Variants in ENTPD5 observed in about 807,000 individuals in gnomAD.
ENTPD5 encodes the protein ectonucleoside triphosphate diphosphohydrolase 5 (inactive).
ENTPD5 carries 49 observed loss-of-function variants against 60.2 expected under a neutral mutation model. The ratio of observed to expected loss-of-function variants is 0.81; its 90% CI spans 0.65 to 1.03. The LOEUF (loss-of-function observed/expected upper bound fraction) is 1.03, where lower values mean the gene tolerates loss of function less well. Ranked by LOEUF, ENTPD5 falls within the 50% of genes least tolerant of loss-of-function variation. ENTPD5 has a pLI of 0.00. For missense variants in ENTPD5, 480 were observed against 507.6 expected (o/e 0.95, Z 0.52); for synonymous variants, 187 against 185.4 (o/e 1.01, Z -0.07).
At chr14:74,006,168 AG>A (rs1171172534) in intron 3 of ENTPD5, among the ~76,000 whole-genome samples, 1 of 151,452 alleles carries the variant, frequency 6.6e-6, no homozygotes, top group Admixed American at 6.6e-5. Context: ...TTGTATTTTT[AG>A]TAGAGACAAA....
At chr14:73,961,969 C>A, downstream of ENTPD5, 1 of 1,578,444 alleles carries the variant, frequency 6.3e-7, no homozygotes, top group Non-Finnish European at 8.7e-7. Flanking sequence ...TTTTTTGAAA[C>A]AGAGTCTTGG....
At chr14:73,958,530 G>A, downstream of ENTPD5, 2 of 1,329,352 alleles carry the variant, frequency 1.5e-6, no homozygotes, top group African/African-American at 1.5e-5. Flanking sequence ...GCACCAGAGT[G>A]TTGGGAATGG....
intron 3 of ENTPD5, among the ~76,000 whole-genome samples, chr14:73,992,043 T>C (rs945151725): frequency 4.0e-5 from 6 of 151,470 alleles, no homozygotes; most frequent in Admixed American, 1.3e-4. Context: ...TTCATATATA[T>C]GTATGTATAT....
At chr14:73,957,252 C>T (rs982059940), downstream of ENTPD5, among the ~76,000 whole-genome samples, 8 of 152,014 alleles carry the variant, frequency 5.3e-5, no homozygotes, top group East Asian at 3.9e-4. Flanking sequence ...CGCCTGCCAC[C>T]GTGCCCAGCT....
chr14:73,989,766 G>A (rs2058057736), intron 3 of ENTPD5, among the ~76,000 whole-genome samples: 1 of 149,696 alleles, frequency 6.7e-6, no homozygotes, highest in South Asian at 2.1e-4. Context: ...CCGGGAGGCA[G>A]AGGTTGTAGC....
chr14:73,967,771 G>C (rs1272934788), intron 15 of ENTPD5, among the ~76,000 whole-genome samples: 6 of 135,272 alleles, frequency 4.4e-5, no homozygotes, highest in African/African-American at 1.7e-4. Context: ...CTGCACTCCA[G>C]CATGGGTGAC....
downstream of ENTPD5, chr14:73,960,314 G>C (rs138689044): frequency 4.4e-5 from 43 of 986,126 alleles, no homozygotes; most frequent in Non-Finnish European, 5.1e-5. Flanking sequence ...AAAATCCATG[G>C]AACATCTTTA....
chr14:73,973,759 G>T, intron 12 of ENTPD5, 118 bp downstream of exon 12: 2 of 808,194 alleles, frequency 2.5e-6, no homozygotes, highest in Non-Finnish European at 4.1e-6. Flanking sequence ...CAAGATCTTT[G>T]GAATAAGTCC....
At chr14:73,962,018 A>T, downstream of ENTPD5, 2 of 1,214,026 alleles carry the variant, frequency 1.6e-6, no homozygotes. Context: ...CACAATTTCC[A>T]CTCACTGCAG....
intron 2 of ENTPD5, among the ~76,000 whole-genome samples, chr14:74,012,289 A>T (rs1566772309): frequency 1.5e-5 from 2 of 136,144 alleles, no homozygotes; most frequent in African/African-American, 5.5e-5. Flanking sequence ...TTTTTAGTAG[A>T]GAGGGGGGGG....
At chr14:74,010,799 C>G (rs2058825929) in intron 3 of ENTPD5, among the ~76,000 whole-genome samples, 1 of 152,154 alleles carries the variant, frequency 6.6e-6, no homozygotes, top group African/African-American at 2.4e-5. Flanking sequence ...TTTCACTGAT[C>G]AGTACTGTCA....
intron 3 of ENTPD5, among the ~76,000 whole-genome samples, chr14:74,009,911 C>T (rs1190636109): frequency 3.3e-5 from 5 of 152,116 alleles, no homozygotes; most frequent in Non-Finnish European, 5.9e-5. Flanking sequence ...CCTGCCACAG[C>T]CTCCTGAGTA....
intron 3 of ENTPD5, among the ~76,000 whole-genome samples, chr14:73,989,016 G>A (rs1241551705): frequency 6.6e-6 from 1 of 151,874 alleles, no homozygotes; most frequent in African/African-American, 2.4e-5. Flanking sequence ...TACAGACGGG[G>A]TTTCACCATG....
intron 6 of ENTPD5, among the ~76,000 whole-genome samples, chr14:73,981,807 CAAAA>C (rs56117033): frequency 1.6e-5 from 2 of 124,810 alleles, no homozygotes; most frequent in Non-Finnish European, 1.7e-5. Flanking sequence ...ACTCTGTTTC[CAAAA>C]AAAAAAAAAA....
chr14:73,982,706 A>G (rs1594883109), intron 6 of ENTPD5, among the ~76,000 whole-genome samples: 1 of 152,164 alleles, frequency 6.6e-6, no homozygotes, highest in African/African-American at 2.4e-5. Context: ...CAGTGAGCCA[A>G]GATGGCGCCA....
Position 73,966,849 on chromosome 14 carries a change from A to T in ENTPD5, c.*79T>A, listed in dbSNP as rs13743. Reference sequence around the variant, plus strand: ...AGGCTCAAGTCCAGGATGTCCCCAGACTAGTTCAGAAACTAAGTGCTCTCT... The same window carrying T: ...AGGCTCAAGTCCAGGATGTCCCCAGTCTAGTTCAGAAACTAAGTGCTCTCT... On this transcript the variant is annotated 3_prime_UTR_variant, in exon 16 of 16. Transcript: ENST00000334696. 0.46 allele frequency: 487,114 copies of T among 1,065,424 alleles called. 115,657 individuals are homozygous for T. Among genetic ancestry groups the T allele is most frequent in the South Asian group, 0.5 (39,264 of 78,206 alleles). The allele number at this position is 1,065,424 out of a possible 1,614,324, so 66.0% of individuals were successfully genotyped here.
chr14:74,008,555 G>A (rs1355119608), intron 3 of ENTPD5, among the ~76,000 whole-genome samples: 1 of 151,784 alleles, frequency 6.6e-6, no homozygotes, highest in Non-Finnish European at 1.5e-5. Context: ...CACCATGCCC[G>A]GCTAACTTTT....
intron 8 of ENTPD5, 138 bp downstream of exon 8, chr14:73,976,886 C>T (rs1471494873): frequency 2.7e-6 from 2 of 751,730 alleles, no homozygotes; most frequent in East Asian, 2.7e-5. Context: ...AATTAACAGG[C>T]ATGAACTGCC....
chr14:73,996,251 A>G, intron 3 of ENTPD5: 1 of 950,694 alleles, frequency 1.1e-6, no homozygotes, highest in Non-Finnish European at 1.3e-6. Flanking sequence ...ACAGTGTGGC[A>G]TTTTGCTAAC....
Sources: allele counts gnomAD v4.1 joint callset (sites outside exome capture counted in the v4.1 genomes callset), GRCh38; gene constraint gnomAD v4.1.1; transcripts MANE v1.5; gene names NCBI Gene and HGNC (gene_info 2026-07-23, HGNC 2026-07-21).